PPP2R5A: variants seen among roughly 807,000 people sequenced by gnomAD.
The protein encoded by PPP2R5A is serine/threonine-protein phosphatase 2A 56 kDa regulatory subunit alpha isoform.
A neutral mutation model predicts 64.2 loss-of-function variants in PPP2R5A; 25 were observed. The observed-to-expected ratio is 0.39, with a 90% CI of 0.28 to 0.54. The LOEUF (loss-of-function observed/expected upper bound fraction) is 0.54. Among genes scored for constraint, PPP2R5A ranks in the 20% least tolerant of loss-of-function variants. PPP2R5A has a pLI of 0.67. For synonymous variants in PPP2R5A, 198 were observed against 201.2 expected (o/e 0.98, Z 0.13); for missense variants, 425 against 576.3 (o/e 0.74, Z 2.69).
Position 212,348,447 on chromosome 1 carries a change from G to A in PPP2R5A, c.823G>A (p.Val275Ile). Residue 275 changes from valine to isoleucine, a missense_variant, in exon 7 of 13, where the codon GTT becomes ATT. Physicochemically the swap from Val to Ile is conservative, Grantham distance 29. Transcript: ENST00000261461. The part of the protein sequence containing the change: ...KAEHKQFLMK[V>I]LIPMHTAKGL... ...AGAACATAAACAATTTCTAATGAAG[G>A]TTCTTATTCCTATGCATACTGCAAA... 6.2e-7 allele frequency: 1 copy of A among 1,610,366 alleles called. No homozygotes were observed. Among genetic ancestry groups the A allele is most frequent in the Non-Finnish European group, 8.5e-7 (1 of 1,177,580 alleles).
intron 1 of PPP2R5A, among the ~76,000 whole-genome samples, chr1:212,310,498 C>CT (rs1450452167): frequency 6.6e-6 from 1 of 152,156 alleles, no homozygotes; most frequent in Non-Finnish European, 1.5e-5. Flanking sequence ...TTATGGCCTA[C>CT]TTCTCCCCCA....
chr1:212,300,500 A>G (rs1006733778), intron 1 of PPP2R5A, among the ~76,000 whole-genome samples: 3 of 152,172 alleles, frequency 2.0e-5, no homozygotes, highest in Admixed American at 6.5e-5. Flanking sequence ...AAACAACTCA[A>G]AGGAGAATCT....
chr1:212,358,551 T>G, intron 11 of PPP2R5A, 135 bp from the exon 12 acceptor site: 1 of 591,400 alleles, frequency 1.7e-6, no homozygotes, highest in East Asian at 3.1e-5. Context: ...ACAAACCTCT[T>G]GAGCCTCAGT....
intron 4 of PPP2R5A, among the ~76,000 whole-genome samples, chr1:212,344,336 C>T (rs1413819648): frequency 6.6e-6 from 1 of 152,158 alleles, no homozygotes; most frequent in East Asian, 1.9e-4. Context: ...AATTCTCATA[C>T]TCCGTAGATA....
At position 212,285,876 on chromosome 1, in the gene PPP2R5A, C is replaced by G. The variant is rs1462095419; in HGVS notation, c.-235C>G. 1 of 399,940 alleles carries G rather than the reference C, an allele frequency of 2.5e-6. No homozygotes were observed. Among genetic ancestry groups the G allele is most frequent in the Non-Finnish European group, 4.4e-6 (1 of 228,768 alleles). 24.8% of individuals were successfully genotyped at this position (399,940 alleles called of 1,614,324 possible). A position where few individuals can be genotyped will look rare whatever the true frequency, so the allele number is the denominator to read the frequency against. On this transcript the variant is annotated 5_prime_UTR_variant, in exon 1 of 13. Coordinates refer to ENST00000261461, the MANE Select transcript of PPP2R5A (RefSeq NM_006243.4). ...CCGCCCCCGCCCTTCCCTCCGTCAGCCCCGGGAGCTCGCCGCGCGCCGGGG... is the reference window on the plus strand; with the variant it reads ...CCGCCCCCGCCCTTCCCTCCGTCAGGCCCGGGAGCTCGCCGCGCGCCGGGG...
intron 1 of PPP2R5A, among the ~76,000 whole-genome samples, chr1:212,289,158 TTA>T (rs1324035822): frequency 6.6e-6 from 1 of 152,252 alleles, no homozygotes; most frequent in Non-Finnish European, 1.5e-5. Flanking sequence ...TGCCTTACAT[TTA>T]TATAACATTT....
intron 1 of PPP2R5A, among the ~76,000 whole-genome samples, chr1:212,311,532 T>C (rs2102420452): frequency 6.6e-6 from 1 of 152,302 alleles, no homozygotes; most frequent in Admixed American, 6.5e-5. Flanking sequence ...TAATAAATGT[T>C]ACTGGCTTAT....
rs751057246 is a variant in PPP2R5A at position 212,357,189 on chromosome 1, C to T, written c.1131C>T (p.Asn377=). Residue 377 remains asparagine, a synonymous_variant, in exon 11 of 13, where the codon AAC becomes AAT. Transcript: ENST00000261461. The part of the protein sequence containing the change: ...VAERALYFWN[N]EYILSLIEEN... ...AAAGGGCATTGTACTTCTGGAATAA[C>T]GAATATATTCTTAGTTTGATTGAGG... 7 of 1,588,512 alleles carry T rather than the reference C, an allele frequency of 4.4e-6. No individual in the cohort carries two copies. The highest frequency in any genetic ancestry group is 6.0e-6 in the Non-Finnish European group (7 of 1,170,646).
intron 1 of PPP2R5A, among the ~76,000 whole-genome samples, chr1:212,321,995 G>A (rs1170468060): frequency 2.7e-5 from 4 of 150,564 alleles, no homozygotes; most frequent in Non-Finnish European, 3.0e-5. Context: ...AGACCAGCCC[G>A]GCCAACACAG....
chr1:212,309,338 G>T, intron 1 of PPP2R5A: 1 of 1,532,582 alleles, frequency 6.5e-7, no homozygotes. Context: ...CTCTTCCGAG[G>T]ATATTTGGGC....
At chr1:212,321,917 C>G (rs921538644) in intron 1 of PPP2R5A, among the ~76,000 whole-genome samples, 1 of 151,328 alleles carries the variant, frequency 6.6e-6, no homozygotes, top group Non-Finnish European at 1.5e-5. Context: ...TGAGTGAACG[C>G]GACTCCGTCT....
intron 3 of PPP2R5A, among the ~76,000 whole-genome samples, chr1:212,335,345 C>T (rs1002479820): frequency 1.3e-5 from 2 of 152,032 alleles, no homozygotes; most frequent in African/African-American, 4.8e-5. Flanking sequence ...CATGGTGGCA[C>T]ATGCCTGTAA....
intron 1 of PPP2R5A, among the ~76,000 whole-genome samples, chr1:212,303,214 T>G (rs190830902): frequency 2.5e-4 from 38 of 152,368 alleles, no homozygotes; most frequent in Non-Finnish European, 4.0e-4. Context: ...ACTTGTGGTA[T>G]GTGAGGATTT....
chr1:212,326,526 G>A (rs940040915), intron 1 of PPP2R5A, among the ~76,000 whole-genome samples: 8 of 152,202 alleles, frequency 5.3e-5, no homozygotes, highest in Admixed American at 1.3e-4. Flanking sequence ...GAACCTGGGA[G>A]GCAGGGGTTG....
intron 1 of PPP2R5A, among the ~76,000 whole-genome samples, chr1:212,310,510 C>T (rs953656219): frequency 2.0e-5 from 3 of 152,146 alleles, no homozygotes; most frequent in African/African-American, 4.8e-5. Context: ...TCTCCCCCAT[C>T]CCCCACAAAA....
rs1044488111 is a variant in PPP2R5A, at chr1:212,360,764, C to T, written c.1455C>T (p.Ala485=). Residue 485 remains alanine (A), a synonymous_variant, in exon 13 of 13, where the codon GCC becomes GCT. Coordinates refer to ENST00000261461, the MANE Select transcript of PPP2R5A (RefSeq NM_006243.4). The stretch of plus-strand genomic sequence containing the variant: ...ACAGTATTCTCAGCAATACAAGTGC[C>T]GAATAAAAAAAAAGCCTCCCACCTC... The part of the protein sequence containing the change: ...NMHSILSNTS[A]E 18 of 1,500,004 alleles carry T rather than the reference C, an allele frequency of 1.2e-5. No individual in the cohort carries two copies. The highest frequency in any genetic ancestry group is 4.9e-5 in the East Asian group (2 of 41,088). The allele number at this position is 1,500,004 out of a possible 1,614,324, so 92.9% of individuals were successfully genotyped here.
chr1:212,359,415 G>T (rs1660042233), intron 12 of PPP2R5A, among the ~76,000 whole-genome samples: 1 of 152,146 alleles, frequency 6.6e-6, no homozygotes, highest in African/African-American at 2.4e-5. Context: ...GTATTTTAGA[G>T]TATAAATGTT....
chr1:212,298,930 AC>A (rs1377349218), intron 1 of PPP2R5A, among the ~76,000 whole-genome samples: 1 of 12,770 alleles, frequency 7.8e-5, no homozygotes, highest in Non-Finnish European at 1.4e-4. Flanking sequence ...CGGGGGGTTG[AC>A]CCCCCCACCT....
At chr1:212,301,925 T>C (rs1658805127) in intron 1 of PPP2R5A, 4 of 1,325,188 alleles carry the variant, frequency 3.0e-6, no homozygotes, top group Non-Finnish European at 3.9e-6. Flanking sequence ...ATTATAGTTA[T>C]AAAATTATTA....
Sources: gnomAD v4.1 joint callset for allele counts (sites outside exome capture counted in the v4.1 genomes callset) on GRCh38, gnomAD v4.1.1 for gene constraint, MANE v1.5 for transcripts, NCBI Gene and HGNC (gene_info 2026-07-23, HGNC 2026-07-21) for gene names.